Variants in EML1 observed in about 807,000 individuals in gnomAD.
EML1 encodes the protein EMAP like 1, also known as echinoderm microtubule-associated protein-like 1.
In EML1, 27 loss-of-function variants were observed where a neutral mutation model predicts 110.4. The ratio of observed to expected loss-of-function variants is 0.24; its 90% CI spans 0.18 to 0.34. EML1 has a LOEUF of 0.34. Among genes scored for constraint, EML1 ranks in the 10% least tolerant of loss-of-function variants. The pLI, the probability that EML1 is intolerant of heterozygous loss-of-function variation, is 1.00. For synonymous variants in EML1, 344 were observed against 385.8 expected, an observed-to-expected ratio of 0.89 and a Z score of 1.27; for missense variants, 741 against 1,030.9, an observed-to-expected ratio of 0.72 and a Z score of 3.85.
intron 1 of EML1, among the ~76,000 whole-genome samples, chr14:99,750,622 G>A (rs748108115): frequency 6.6e-6 from 1 of 152,188 alleles, no homozygotes; most frequent in Non-Finnish European, 1.5e-5. Context: ...GGGCACAGTG[G>A]GGGGATCAGG....
Position 99,914,884 on chromosome 14 carries a change from C to T in EML1, c.1752+187C>T, listed in dbSNP as rs143061980. ...TACTTTTAACATTGCCTCGTGGCCT[C>T]AGCCATGTAATTTTGAAGTTTACTG... is the stretch of plus-strand genomic sequence containing the variant. On this transcript the variant is annotated intron_variant, in intron 15 of 21. Transcript: ENST00000262233. 6.4e-4 allele frequency: 465 copies of T among 727,236 alleles called. 2 individuals carry two copies. The African/African-American group carries it at 7.8e-3, about 12-fold the overall frequency. 45.0% of individuals were successfully genotyped at this position (727,236 alleles called of 1,614,324 possible). A position where few individuals can be genotyped will look rare whatever the true frequency, so the allele number is the denominator to read the frequency against.
intron 2 of EML1, 144 bp from the exon 3 acceptor site, chr14:99,865,370 G>C: frequency 1.0e-6 from 1 of 968,198 alleles, no homozygotes. Context: ...CGTAAATAGA[G>C]ATGAAGAGTT....
intron 2 of EML1, among the ~76,000 whole-genome samples, chr14:99,856,242 T>G (rs1019473324): frequency 2.6e-5 from 4 of 152,254 alleles, no homozygotes; most frequent in African/African-American, 9.6e-5. Flanking sequence ...TCACTGTGCA[T>G]GCCTCTAGCA....
chr14:99,881,803 A>T (rs1185434719), intron 4 of EML1, among the ~76,000 whole-genome samples: 2 of 151,916 alleles, frequency 1.3e-5, no homozygotes, highest in African/African-American at 4.8e-5. Context: ...GTTTCACCAC[A>T]TTGGCCAGGA....
chr14:99,898,465 T>C (rs1261413532), intron 8 of EML1, among the ~76,000 whole-genome samples, 163 bp downstream of exon 8: 2 of 152,174 alleles, frequency 1.3e-5, no homozygotes, highest in Admixed American at 1.3e-4. Context: ...GAAGACTTAT[T>C]GTGTGGCAGG....
rs1595231524 is a variant in EML1 at position 99,747,727 on chromosome 14, A to G, written c.28+9867A>G. ...TTATCTACTCTCTGCAGGGGCTCGGAGTAAGGACACCTGCCAGTCACTGGG... is the reference window on the plus strand; with the variant it reads ...TTATCTACTCTCTGCAGGGGCTCGGGGTAAGGACACCTGCCAGTCACTGGG... On this transcript the variant is annotated intron_variant, in intron 1 of 10. Coordinates refer to the EML1 transcript ENST00000554479. Among the ~76,000 whole-genome samples the G allele has an allele frequency of 2.0e-5, 3 of 152,002 alleles. No individual in the cohort carries two copies. In the East Asian group the frequency reaches 5.8e-4, roughly 29 times the overall value.
intron 1 of EML1, among the ~76,000 whole-genome samples, chr14:99,849,736 T>C (rs902782383): frequency 1.3e-5 from 2 of 151,710 alleles, no homozygotes; most frequent in Non-Finnish European, 2.9e-5. Flanking sequence ...TTAGTAGAGA[T>C]GGGGTTTCAC....
At chr14:99,750,543 T>G (rs1237232058) in intron 1 of EML1, among the ~76,000 whole-genome samples, 3 of 152,226 alleles carry the variant, frequency 2.0e-5, no homozygotes, top group Non-Finnish European at 4.4e-5. Flanking sequence ...TTTGTATCCT[T>G]GTGTGCAAAA....
At chr14:99,911,390 T>A in intron 12 of EML1, 32 bp from the exon 13 acceptor site, 1 of 1,549,178 alleles carries the variant, frequency 6.5e-7, no homozygotes, top group Non-Finnish European at 8.6e-7. Context: ...CTTTTGACAA[T>A]GTGCTAATGA....
At chr14:99,746,500 A>C (rs1783032986) in intron 1 of EML1, among the ~76,000 whole-genome samples, 1 of 152,054 alleles carries the variant, frequency 6.6e-6, no homozygotes, top group African/African-American at 2.4e-5. Flanking sequence ...TTTCCACAGG[A>C]TGGGGTGGGG....
chr14:99,756,052 G>C (rs1470912370), intron 1 of EML1, among the ~76,000 whole-genome samples: 1 of 152,246 alleles, frequency 6.6e-6, no homozygotes, highest in African/African-American at 2.4e-5. Flanking sequence ...GGCTCCGCAA[G>C]AGGACAACAT....
intron 1 of EML1, among the ~76,000 whole-genome samples, chr14:99,802,221 G>A (rs964821787): frequency 6.6e-5 from 10 of 152,224 alleles, no homozygotes; most frequent in Admixed American, 5.9e-4. Flanking sequence ...GGTTGCCTGT[G>A]GTGAAAGGGA....
At chr14:99,768,845 G>T (rs1287621290), upstream of EML1, among the ~76,000 whole-genome samples, 1 of 152,058 alleles carries the variant, frequency 6.6e-6, no homozygotes, top group South Asian at 2.1e-4. Context: ...AGCCTCCTGA[G>T]TAGCTGGGAT....
At chr14:99,810,040 G>T (rs892502062) in intron 1 of EML1, among the ~76,000 whole-genome samples, 1 of 152,186 alleles carries the variant, frequency 6.6e-6, no homozygotes, top group Non-Finnish European at 1.5e-5. Flanking sequence ...GCTGCAATGC[G>T]GCCCAGTCAG....
Position 99,939,923 on chromosome 14 carries a change from C to A in EML1, c.2323-64C>A. The A allele has an allele frequency of 6.8e-7, 1 of 1,463,346 alleles. No homozygotes were observed. Among genetic ancestry groups the A allele is most frequent in the South Asian group, 1.5e-5 (1 of 65,434 alleles). 90.6% of individuals were successfully genotyped at this position (1,463,346 alleles called of 1,614,324 possible). ...AAGGCATGCAGTGAGAATTCAAGCA[C>A]TTTCCCATCCCAGATGGTTCGCCTT... On this transcript the variant is annotated intron_variant, in intron 21 of 21. Transcript: ENST00000262233. The surrounding 1 kb of genome is among the most constrained non-coding windows in gnomAD (Gnocchi z 4.2).
intron 1 of EML1, among the ~76,000 whole-genome samples, chr14:99,749,119 C>G (rs2057146602): frequency 2.0e-5 from 3 of 152,228 alleles, no homozygotes; most frequent in African/African-American, 7.2e-5. Context: ...CTGCTATGAA[C>G]ACTCGTGTAC....
chr14:99,809,737 G>A, intron 1 of EML1: 1 of 456,034 alleles, frequency 2.2e-6, no homozygotes, highest in Non-Finnish European at 4.4e-6. Flanking sequence ...TTGATGGGTG[G>A]GGAGAACTCC....
intron 4 of EML1, chr14:99,885,988 G>A: frequency 2.3e-6 from 1 of 427,026 alleles, no homozygotes; most frequent in Middle Eastern, 3.4e-4. Flanking sequence ...AGTATTGGTT[G>A]GAAATGTCTA....
At chr14:99,848,685 G>C (rs1210993077) in intron 1 of EML1, among the ~76,000 whole-genome samples, 4 of 152,126 alleles carry the variant, frequency 2.6e-5, no homozygotes, top group Non-Finnish European at 5.9e-5. Flanking sequence ...AAGGTTCAAG[G>C]CTGGGCACAG....
Sources: allele counts gnomAD v4.1 joint callset (sites outside exome capture counted in the v4.1 genomes callset), GRCh38; gene constraint gnomAD v4.1.1; non-coding constraint Gnocchi (gnomAD v3.1); transcripts MANE v1.5; gene names NCBI Gene and HGNC (gene_info 2026-07-23, HGNC 2026-07-21).